The following PDSS2 variants were observed in gnomAD, a reference collection of about 807,000 sequenced individuals.
The protein encoded by PDSS2 is decaprenyl diphosphate synthase subunit 2, also known as all trans-polyprenyl-diphosphate synthase PDSS2.
A neutral mutation model predicts 44.5 loss-of-function variants in PDSS2; 31 were observed. The observed-to-expected ratio is 0.70, with a 90% CI of 0.52 to 0.94. PDSS2 has a LOEUF of 0.94. Ranked by LOEUF, PDSS2 falls within the 40% of genes least tolerant of loss-of-function variation. PDSS2 has a pLI of 0.00. For missense variants in PDSS2, 452 were observed against 482.2 expected (o/e 0.94, Z 0.59); for synonymous variants, 157 against 180.3 (o/e 0.87, Z 1.03).
intron 2 of PDSS2, among the ~76,000 whole-genome samples, chr6:107,316,713 C>T (rs1190944065): frequency 6.6e-6 from 1 of 152,140 alleles, no homozygotes; most frequent in Non-Finnish European, 1.5e-5. Flanking sequence ...CCTTCCTCAA[C>T]AGTGTTTTAA....
intron 1 of PDSS2, among the ~76,000 whole-genome samples, chr6:107,449,819 C>A (rs1270258329): frequency 6.6e-6 from 1 of 152,190 alleles, no homozygotes; most frequent in African/African-American, 2.4e-5. Context: ...GATCCTCCCA[C>A]CTCAGCTTCC....
At chr6:107,302,734 T>A (rs1776736644) in intron 2 of PDSS2, among the ~76,000 whole-genome samples, 1 of 151,840 alleles carries the variant, frequency 6.6e-6, no homozygotes, top group African/African-American at 2.4e-5. Context: ...TGTAAAAAAA[T>A]TAAAATAATA....
At chr6:107,190,707 T>G (rs1371118570) in intron 7 of PDSS2, among the ~76,000 whole-genome samples, 1 of 152,122 alleles carries the variant, frequency 6.6e-6, no homozygotes, top group Non-Finnish European at 1.5e-5. Flanking sequence ...CGGCAGGACA[T>G]TCTAAGCAGA....
At chr6:107,242,178 G>C (rs1039708146) in intron 4 of PDSS2, among the ~76,000 whole-genome samples, 1 of 152,198 alleles carries the variant, frequency 6.6e-6, no homozygotes, top group African/African-American at 2.4e-5. Context: ...AATTGGACCT[G>C]AGGCACAAAT....
chr6:107,156,396 G>A (rs1242507754), intron 7 of PDSS2, among the ~76,000 whole-genome samples: 1 of 151,892 alleles, frequency 6.6e-6, no homozygotes, highest in African/African-American at 2.4e-5. Flanking sequence ...GGGTTTCACC[G>A]TGTTAGCCAG....
intron 1 of PDSS2, among the ~76,000 whole-genome samples, chr6:107,417,761 A>C (rs1780705803): frequency 7.2e-6 from 1 of 139,578 alleles, no homozygotes; most frequent in Non-Finnish European, 1.5e-5. Flanking sequence ...CCCTATCTTC[A>C]AAAAAATTAA....
intron 4 of PDSS2, among the ~76,000 whole-genome samples, chr6:107,237,591 G>A (rs553865771): frequency 6.6e-6 from 1 of 151,524 alleles, no homozygotes; most frequent in South Asian, 2.1e-4. Flanking sequence ...GAGAGCGAAA[G>A]GAACATAAGC....
intron 1 of PDSS2, among the ~76,000 whole-genome samples, chr6:107,420,019 A>C (rs1780776908): frequency 6.6e-6 from 1 of 152,240 alleles, no homozygotes; most frequent in Non-Finnish European, 1.5e-5. Context: ...GTCCCTGACA[A>C]CAGTGGATAA....
rs782446668 is a variant in PDSS2, at chr6:107,153,285, G to A, written c.*1334C>T. 4 of 152,478 alleles carry A rather than the reference G, an allele frequency of 2.6e-5. No individual in the cohort carries two copies. Among genetic ancestry groups the A allele is most frequent in the East Asian group, 3.9e-4 (2 of 5,188 alleles). 9.4% of individuals were successfully genotyped at this position (152,478 alleles called of 1,614,324 possible). A position where few individuals can be genotyped will look rare whatever the true frequency, so the allele number is the denominator to read the frequency against. On this transcript the variant is annotated 3_prime_UTR_variant, in exon 8 of 8. Coordinates refer to ENST00000369037, the MANE Select transcript of PDSS2 (RefSeq NM_020381.4). ...ATGTAAACTCAGCCTTCTTGTCAAC[G>A]GTGTTCTCAAATTGCATGAGTGCAA...
intron 2 of PDSS2, among the ~76,000 whole-genome samples, chr6:107,303,247 G>GTT (rs1776754555): frequency 6.6e-6 from 1 of 152,110 alleles, no homozygotes; most frequent in Non-Finnish European, 1.5e-5. Context: ...ATTCATGAGA[G>GTT]CTCCATGATT....
At chr6:107,300,065 C>T (rs1160117111) in intron 2 of PDSS2, among the ~76,000 whole-genome samples, 3 of 152,172 alleles carry the variant, frequency 2.0e-5, no homozygotes, top group South Asian at 2.1e-4. Context: ...CATGAAGTCT[C>T]GGCCCAAAAC....
intron 1 of PDSS2, among the ~76,000 whole-genome samples, chr6:107,343,223 T>G (rs1384065778): frequency 2.0e-5 from 3 of 152,218 alleles, no homozygotes; most frequent in African/African-American, 7.2e-5. Context: ...GGTTGATTGG[T>G]AAGATTCCTA....
intron 2 of PDSS2, among the ~76,000 whole-genome samples, chr6:107,291,007 T>C (rs1189266481): frequency 7.1e-6 from 1 of 140,346 alleles, no homozygotes; most frequent in Non-Finnish European, 1.5e-5. Flanking sequence ...GCTCAAACCG[T>C]TAAAAAAAAA....
intron 4 of PDSS2, among the ~76,000 whole-genome samples, chr6:107,244,658 T>C (rs1349744467): frequency 6.6e-6 from 1 of 152,232 alleles, no homozygotes; most frequent in African/African-American, 2.4e-5. Context: ...GGGTTATACT[T>C]TTAAATTTTA....
At chr6:107,351,335 C>T (rs1315642383) in intron 1 of PDSS2, among the ~76,000 whole-genome samples, 1 of 152,084 alleles carries the variant, frequency 6.6e-6, no homozygotes, top group African/African-American at 2.4e-5. Context: ...ATCTTGATAT[C>T]AAAAGTTCTG....
intron 1 of PDSS2, among the ~76,000 whole-genome samples, chr6:107,368,619 C>A (rs932572258): frequency 6.6e-6 from 1 of 152,040 alleles, no homozygotes; most frequent in African/African-American, 2.4e-5. Flanking sequence ...TTTGGGAGGG[C>A]AAGGCGGGAG....
rs1418279961 is a variant in PDSS2, at chr6:107,456,213, T to TG, written c.296+2776dup. ...GCGGGCGCCTATAATCCCAGGTACT[T>TG]GGGGGGCTGAGGCAGGAGAATTACT... On this transcript the variant is annotated intron_variant, in intron 1 of 7. Coordinates refer to ENST00000369037, the MANE Select transcript of PDSS2 (RefSeq NM_020381.4). 7.3e-5 allele frequency among the ~76,000 whole-genome samples: 11 copies of TG among 151,644 alleles called. No individual in the cohort carries two copies. The East Asian group carries it at 7.8e-4, about 11-fold the overall frequency.
At chr6:107,382,887 A>G (rs912723259) in intron 1 of PDSS2, among the ~76,000 whole-genome samples, 9 of 152,166 alleles carry the variant, frequency 5.9e-5, no homozygotes, top group Admixed American at 5.2e-4. Context: ...GATTTTTGAC[A>G]AAGACGCAGA....
intron 1 of PDSS2, among the ~76,000 whole-genome samples, chr6:107,408,283 G>A (rs1482374725): frequency 2.0e-5 from 3 of 152,170 alleles, no homozygotes; most frequent in Admixed American, 1.3e-4. Context: ...AAAGTGCTGG[G>A]ATTACAGGCT....
Sources: allele counts gnomAD v4.1 joint callset (sites outside exome capture counted in the v4.1 genomes callset), GRCh38; gene constraint gnomAD v4.1.1; transcripts MANE v1.5; gene names NCBI Gene and HGNC (gene_info 2026-07-23, HGNC 2026-07-21).